VPS39: variants seen among roughly 807,000 people sequenced by gnomAD.
VPS39 encodes the protein VPS39 subunit of HOPS complex.
Under a neutral mutation model 121.0 loss-of-function variants are expected in VPS39, and 70 were observed. The observed-to-expected ratio is 0.58, with a 90% CI of 0.48 to 0.71. VPS39 has a LOEUF of 0.71. Ranked by LOEUF, VPS39 falls within the 30% of genes least tolerant of loss-of-function variation. The pLI, the probability that VPS39 is intolerant of heterozygous loss-of-function variation, is 0.00. For synonymous variants in VPS39, 378 were observed against 398.1 expected, an observed-to-expected ratio of 0.95 and a Z score of 0.60; for missense variants, 818 against 1,051.5, an observed-to-expected ratio of 0.78 and a Z score of 3.07.
intron 11 of VPS39, among the ~76,000 whole-genome samples, chr15:42,172,691 T>C (rs2049371088): frequency 6.6e-6 from 1 of 152,212 alleles, no homozygotes; most frequent in African/African-American, 2.4e-5. Flanking sequence ...AAACTGATCA[T>C]TGTCTGGCTT....
chr15:42,167,533 C>T lies in VPS39; in HGVS notation c.1238G>A (p.Arg413Gln), dbSNP rs758840472. The change falls in exon 13 of 25, where the codon CGA becomes CAA. Residue 413 changes from arginine to glutamine, a missense_variant. By Grantham distance (43) the Arg-to-Gln change is conservative (BLOSUM62 1). Coordinates refer to ENST00000318006, the MANE Select transcript of VPS39 (RefSeq NM_015289.5). ...LALIDYLTQK[R>Q]SQLVKKLNDS... The stretch of plus-strand genomic sequence containing the variant: ...ATTCAGCTTCTTTACCAATTGACTT[C>T]GTTTCTGCAAAGGTCAAAATGTGGG... 3.7e-6 allele frequency: 6 copies of T among 1,613,896 alleles called. No homozygotes were observed. Among genetic ancestry groups the T allele is most frequent in the East Asian group, 2.2e-5 (1 of 44,894 alleles).
intron 5 of VPS39, 78 bp downstream of exon 5, chr15:42,189,036 C>A: frequency 9.9e-7 from 1 of 1,014,232 alleles, no homozygotes. Flanking sequence ...TCATTCTTCC[C>A]ATCTAATGGT....
chr15:42,168,529 C>T (rs1209058503), intron 12 of VPS39, among the ~76,000 whole-genome samples: 1 of 151,678 alleles, frequency 6.6e-6, no homozygotes, highest in African/African-American at 2.4e-5. Context: ...ACAATTTTTC[C>T]AGCAATACTT....
At position 42,160,750 on chromosome 15, in the gene VPS39, G is replaced by A. The variant is rs201155191; in HGVS notation, c.*4C>T. The A allele has an allele frequency of 1.7e-5, 28 of 1,613,710 alleles. No individual in the cohort carries two copies. The highest frequency in any genetic ancestry group is 2.2e-5 in the Non-Finnish European group (26 of 1,179,610). ...CCATCCGCTGGATCCCCAGGATGCT[G>A]GGCTCAAGTGTCAGCTGGGTTTACC... On this transcript the variant is annotated 3_prime_UTR_variant, in exon 25 of 25. Transcript: ENST00000318006.
In VPS39 at chr15:42,166,171, T is replaced by C. The variant is rs778337927; in HGVS notation, c.1668A>G (p.Glu556=). 6.2e-7 allele frequency: 1 copy of C among 1,614,234 alleles called. No individual in the cohort carries two copies. The highest frequency in any genetic ancestry group is 8.5e-7 in the Non-Finnish European group (1 of 1,180,016). ...TCCTGTGGCTCACCTTCAGGCCATC[T>C]TCTGGGAAGTCTCTCAGCACCCACA... The part of the protein sequence containing the change: ...YSVWVLRDFP[E]DGLKIFTEDL... The change falls in exon 16 of 25, where the codon GAA becomes GAG. Residue 556 remains glutamate (E), a synonymous_variant. Coordinates refer to ENST00000318006, the MANE Select transcript of VPS39 (RefSeq NM_015289.5).
intron 7 of VPS39, among the ~76,000 whole-genome samples, chr15:42,186,739 A>C (rs932614664): frequency 2.6e-5 from 4 of 152,190 alleles, no homozygotes; most frequent in Non-Finnish European, 5.9e-5. Context: ...ACTATTTCTG[A>C]GTGGGGGGAC....
intron 2 of VPS39, 91 bp from the exon 3 acceptor site, chr15:42,191,651 T>C: frequency 2.7e-6 from 3 of 1,098,814 alleles, no homozygotes; most frequent in East Asian, 2.4e-5. Context: ...ACTGCTCTCC[T>C]ATATAAATCT....
intron 12 of VPS39, among the ~76,000 whole-genome samples, chr15:42,168,838 C>T (rs1432064370): frequency 1.3e-5 from 2 of 152,156 alleles, no homozygotes; most frequent in African/African-American, 2.4e-5. Context: ...CCACCACACC[C>T]GGCCAACAGC....
chr15:42,162,304 C>T, intron 22 of VPS39, 28 bp downstream of exon 22: 1 of 1,599,818 alleles, frequency 6.3e-7, no homozygotes, highest in Non-Finnish European at 8.5e-7. Flanking sequence ...TGCAAACACC[C>T]TCCATCTCCC....
rs370587144 is a variant in VPS39, at chr15:42,178,469, G to A, written c.820C>T (p.Arg274Cys). ...CCTTACCCTCCTGAGGTAATGAAACGGGGCCTTTGCAATTCAATGCTTTGG... is the reference window on the plus strand; with the variant it reads ...CCTTACCCTCCTGAGGTAATGAAACAGGGCCTTTGCAATTCAATGCTTTGG... ...LVQSIELQRP[R>C]FITSGGSNII... Residue 274 changes from arginine to cysteine, a missense_variant, in exon 9 of 25, where the codon CGT becomes TGT. By Grantham distance (180) the Arg-to-Cys change is radical. Transcript: ENST00000318006. 21 of 1,614,018 alleles carry A rather than the reference G, an allele frequency of 1.3e-5. No homozygotes were observed. Among genetic ancestry groups the A allele is most frequent in the Admixed American group, 3.3e-5 (2 of 60,004 alleles).
intron 10 of VPS39, among the ~76,000 whole-genome samples, chr15:42,177,034 A>G (rs1268571682): frequency 6.6e-6 from 1 of 151,896 alleles, no homozygotes. Context: ...GTGGTGGTAC[A>G]TGCTTGTGGT....
chr15:42,159,393 G>C lies in VPS39; in HGVS notation c.*1361C>G, dbSNP rs1008656657. 6 of 152,372 alleles carry C rather than the reference G, an allele frequency of 3.9e-5. No homozygotes were observed. Among genetic ancestry groups the C allele is most frequent in the African/African-American group, 1.2e-4 (5 of 41,460 alleles). The allele number at this position is 152,372 out of a possible 1,614,324, so 9.4% of individuals were successfully genotyped here. A position where few individuals can be genotyped will look rare whatever the true frequency, so the allele number is the denominator to read the frequency against. On this transcript the variant is annotated 3_prime_UTR_variant, in exon 25 of 25. Transcript: ENST00000318006. ...CACCACCATCAAAGACACTGGTGCA[G>C]TGAGACTTCGAGTCTGCAAAAACCC...
chr15:42,173,377 C>T (rs1240341590), intron 11 of VPS39, among the ~76,000 whole-genome samples: 2 of 152,238 alleles, frequency 1.3e-5, no homozygotes, highest in Non-Finnish European at 2.9e-5. Context: ...AAATGATCTG[C>T]AGTTTAATCC....
rs1359705027 is a variant in VPS39, at chr15:42,189,182, A to G, written c.274T>C (p.Leu92=). The G allele has an allele frequency of 6.2e-6, 10 of 1,613,674 alleles. No homozygotes were observed. Among genetic ancestry groups the G allele is most frequent in the Admixed American group, 3.3e-5 (2 of 59,998 alleles). The change falls in exon 5 of 25, where the codon TTG becomes CTG. Residue 92 remains leucine, a synonymous_variant. Coordinates refer to ENST00000318006, the MANE Select transcript of VPS39 (RefSeq NM_015289.5). ...LENNIYVHDL[L]TFQQITTVSK... is the part of the protein sequence containing the mutation. ...ACCGTAGTGATTTGTTGAAATGTCA[A>G]TAGGTCATGGACATAAATGTTATTT...
At chr15:42,163,054 C>T (rs926389112) in intron 21 of VPS39, among the ~76,000 whole-genome samples, 2 of 152,226 alleles carry the variant, frequency 1.3e-5, no homozygotes, top group Non-Finnish European at 2.9e-5. Context: ...TATAGTACAT[C>T]AGAACCATGA....
chr15:42,208,055 C>T (rs1448994246), intron 1 of VPS39, 26 bp downstream of exon 1: 1 of 1,562,542 alleles, frequency 6.4e-7, no homozygotes, highest in Admixed American at 1.9e-5. Context: ...CTGACTCCGC[C>T]TCGGCCCCGC....
At chr15:42,172,920 T>C (rs2049375385) in intron 11 of VPS39, among the ~76,000 whole-genome samples, 1 of 152,158 alleles carries the variant, frequency 6.6e-6, no homozygotes. Flanking sequence ...ATTACCACAG[T>C]TCATTACTGG....
chr15:42,184,653 C>T lies in VPS39; in HGVS notation c.582G>A (p.Gln194=), dbSNP rs1202335486. The change falls in exon 8 of 25, where the codon CAG becomes CAA. Residue 194 remains glutamine (Q), a synonymous_variant. Coordinates refer to ENST00000318006, the MANE Select transcript of VPS39 (RefSeq NM_015289.5). ...CCAGAGGTGCAACTAAGGGCTCCAG[C>T]TGTTTTCCTGTTGGAAAGAGCTCTT... The part of the protein sequence containing the change: ...SIKELFPTGK[Q]LEPLVAPLAD... 1 of 1,614,072 alleles carries T rather than the reference C, an allele frequency of 6.2e-7. No individual in the cohort carries two copies.
rs745531772 is a variant in VPS39, at chr15:42,166,841, C to T, written c.1450G>A (p.Val484Met). The T allele has an allele frequency of 5.6e-6, 9 of 1,614,094 alleles. No homozygotes were observed. Among genetic ancestry groups the T allele is most frequent in the Non-Finnish European group, 7.6e-6 (9 of 1,180,048 alleles). Residue 484 changes from valine (V) to methionine (M), a missense_variant, in exon 14 of 25, where the codon GTG becomes ATG. Transcript: ENST00000318006. ...NHCHIEESEH[V>M]LKKAHKYSEL... is the part of the protein sequence containing the mutation. ...CTGTACTTGTGAGCCTTCTTTAGCA[C>T]GTGCTCGCTCTCCTCGATGTGGCAG... is the stretch of plus-strand genomic sequence containing the variant.
Sources: gnomAD v4.1 joint callset for allele counts (sites outside exome capture counted in the v4.1 genomes callset) on GRCh38, gnomAD v4.1.1 for gene constraint, MANE v1.5 for transcripts, NCBI Gene and HGNC (gene_info 2026-07-23, HGNC 2026-07-21) for gene names.